Variants in GATB observed in about 807,000 individuals in gnomAD.
The protein encoded by GATB is glutamyl-tRNA(Gln) amidotransferase subunit B, mitochondrial.
GATB carries 39 observed loss-of-function variants against 62.3 expected under a neutral mutation model. The ratio of observed to expected loss-of-function variants is 0.63; its 90% confidence interval spans 0.48 to 0.82. The LOEUF is 0.82. Among genes scored for constraint, GATB ranks in the 40% least tolerant of loss-of-function variants. The pLI is 0.00. For synonymous variants in GATB, 276 were observed against 258.9 expected (o/e 1.07, Z -0.63); for missense variants, 670 against 684.0 (o/e 0.98, Z 0.23).
rs534373081 is a variant in GATB at position 151,708,542 on chromosome 4, C to A, written c.764-441G>T. On this transcript the variant is annotated intron_variant, in intron 5 of 12. Coordinates refer to ENST00000263985, the MANE Select transcript of GATB (RefSeq NM_004564.3). ...TATCTGATAACCCTACACTGCTCTC[C>A]ATTGGAATGTGGATTTCTAACAGTG... Among the ~76,000 whole-genome samples the A allele has an allele frequency of 3.1e-4, 47 of 152,272 alleles. 1 individual carries two copies. Among genetic ancestry groups the A allele is most frequent in the African/African-American group, 1.1e-3 (44 of 41,550 alleles).
At chr4:151,688,097 G>A (rs147296673) in intron 10 of GATB, among the ~76,000 whole-genome samples, 76 of 152,244 alleles carry the variant, frequency 5.0e-4, no homozygotes, top group Non-Finnish European at 2.9e-4. Flanking sequence ...AGCTTCTGGC[G>A]TTCCTGAGCC....
At chr4:151,733,563 T>C (rs760454696) in intron 2 of GATB, among the ~76,000 whole-genome samples, 1 of 152,206 alleles carries the variant, frequency 6.6e-6, no homozygotes, top group African/African-American at 2.4e-5. Flanking sequence ...TCAATCCTTT[T>C]GACACTATTC....
chr4:151,749,520 G>A (rs1317443429), intron 2 of GATB, among the ~76,000 whole-genome samples: 1 of 149,840 alleles, frequency 6.7e-6, no homozygotes, highest in Non-Finnish European at 1.5e-5. Flanking sequence ...TGGGGTGGGG[G>A]TGGGGGAGGG....
rs561378945 is a variant in GATB at position 151,736,865 on chromosome 4, CTT to C, written c.328-17329_328-17328del. Among the ~76,000 whole-genome samples the C allele has an allele frequency of 2.1e-3, 316 of 152,320 alleles. 1 individual carries two copies. Among genetic ancestry groups the C allele is most frequent in the Non-Finnish European group, 3.1e-3 (213 of 68,030 alleles). ...AATTTCCTTGCGCAAGCTCTCCTCT[CTT>C]GTCTGCTGCCATGTGAGGCATGCCT... On this transcript the variant is annotated intron_variant, in intron 2 of 12. Coordinates refer to ENST00000263985, the MANE Select transcript of GATB (RefSeq NM_004564.3).
intron 2 of GATB, chr4:151,722,886 G>C (rs1371807692): frequency 6.6e-6 from 1 of 152,206 alleles, no homozygotes; most frequent in Non-Finnish European, 1.5e-5. Flanking sequence ...TGATGCCCCA[G>C]TCTCCTCTAA....
chr4:151,722,163 T>A, intron 2 of GATB: 2 of 701,004 alleles, frequency 2.9e-6, no homozygotes, highest in Admixed American at 2.0e-5. Flanking sequence ...CAGGTCAGCA[T>A]GTTCTGAGGA....
At chr4:151,672,200 C>T (rs1737886465) in intron 12 of GATB, among the ~76,000 whole-genome samples, 1 of 152,152 alleles carries the variant, frequency 6.6e-6, no homozygotes, top group Non-Finnish European at 1.5e-5. Flanking sequence ...GGATGCCACT[C>T]GTTTTAGCTT....
chr4:151,756,233 AC>A (rs1173651933), intron 2 of GATB, among the ~76,000 whole-genome samples: 62 of 152,342 alleles, frequency 4.1e-4, no homozygotes, highest in African/African-American at 1.5e-3. Flanking sequence ...ATAATGTTCT[AC>A]TAAAATCCTC....
intron 2 of GATB, among the ~76,000 whole-genome samples, chr4:151,758,060 T>C (rs572726086): frequency 2.0e-5 from 3 of 152,332 alleles, no homozygotes; most frequent in East Asian, 3.9e-4. Context: ...AGTCATTCCA[T>C]AGGATCAAGT....
intron 1 of GATB, among the ~76,000 whole-genome samples, chr4:151,759,969 C>T (rs1739918385): frequency 1.3e-5 from 2 of 152,128 alleles, no homozygotes; most frequent in Admixed American, 1.3e-4. Context: ...TGCAGTAAAG[C>T]ACCATTCAAA....
chr4:151,681,848 G>C (rs1199337819), intron 10 of GATB, among the ~76,000 whole-genome samples: 2 of 152,182 alleles, frequency 1.3e-5, no homozygotes, highest in African/African-American at 4.8e-5. Flanking sequence ...GGTGGAAGGA[G>C]CGAGGGAGCT....
chr4:151,755,940 G>C (rs761643147), intron 2 of GATB, among the ~76,000 whole-genome samples: 2 of 152,156 alleles, frequency 1.3e-5, no homozygotes, highest in Admixed American at 6.5e-5. Context: ...AATAGATATA[G>C]GTTTCTTGCC....
In GATB at chr4:151,716,037, G is replaced by A. The variant is rs1316075331; in HGVS notation, c.735C>T (p.Ala245=). The A allele has an allele frequency of 6.2e-7, 1 of 1,613,914 alleles. No individual in the cohort carries two copies. The highest frequency in any genetic ancestry group is 8.5e-7 in the Non-Finnish European group (1 of 1,179,938). ...CCATGTTCGCCTGGCTGGTCCCCAG[G>A]GCTTGAAGGATCAGCTGCAGCTCCC... ...AVRELQLILQ[A]LGTSQANMAE... Residue 245 remains alanine, a synonymous_variant, in exon 5 of 13, where the codon GCC becomes GCT. Transcript: ENST00000263985.
At chr4:151,680,606 T>C (rs1015012313) in intron 10 of GATB, among the ~76,000 whole-genome samples, 4 of 152,158 alleles carry the variant, frequency 2.6e-5, no homozygotes, top group Non-Finnish European at 5.9e-5. Flanking sequence ...ATGGTAGGGG[T>C]GAGTGCCTAA....
At chr4:151,739,902 T>A in intron 2 of GATB, among the ~76,000 whole-genome samples, 1 of 152,172 alleles carries the variant, frequency 6.6e-6, no homozygotes, top group East Asian at 1.9e-4. Flanking sequence ...TTCTTCCTAA[T>A]CAACATGCCC....
At chr4:151,750,444 G>A (rs1739698750) in intron 2 of GATB, among the ~76,000 whole-genome samples, 2 of 151,772 alleles carry the variant, frequency 1.3e-5, no homozygotes, top group Admixed American at 6.6e-5. Flanking sequence ...TCCTTAATCT[G>A]GAAAAAAGAT....
intron 10 of GATB, among the ~76,000 whole-genome samples, chr4:151,685,930 G>A (rs995795500): frequency 3.9e-5 from 6 of 152,286 alleles, no homozygotes; most frequent in African/African-American, 1.4e-4. Context: ...GCGGGTGCTT[G>A]TAATCTCAGC....
chr4:151,693,711 A>C (rs1447928602), intron 9 of GATB, among the ~76,000 whole-genome samples: 2 of 152,150 alleles, frequency 1.3e-5, no homozygotes, highest in South Asian at 4.1e-4. Context: ...AAGGCTTGGG[A>C]GCCCCTAAAA....
intron 2 of GATB, among the ~76,000 whole-genome samples, chr4:151,747,953 C>G (rs574643775): frequency 6.6e-6 from 1 of 152,126 alleles, no homozygotes; most frequent in African/African-American, 2.4e-5. Context: ...TGAAAAAAAT[C>G]AAGGGATGTG....
Sources: gnomAD v4.1 joint callset for allele counts (sites outside exome capture counted in the v4.1 genomes callset) on GRCh38, gnomAD v4.1.1 for gene constraint, MANE v1.5 for transcripts, NCBI Gene and HGNC (gene_info 2026-07-23, HGNC 2026-07-21) for gene names.